The following SOX6 variants were observed in gnomAD, a reference collection of about 807,000 sequenced individuals.
The protein encoded by SOX6 is SRY-box transcription factor 6.
Under a neutral mutation model 97.8 loss-of-function variants are expected in SOX6, and 11 were observed. The ratio of observed to expected loss-of-function variants is 0.11; its 90% CI spans 0.07 to 0.19. The LOEUF is 0.19. Ranked by LOEUF, SOX6 falls within the 10% of genes least tolerant of loss-of-function variation. The pLI is 1.00. For synonymous variants in SOX6, 360 were observed against 371.4 expected (o/e 0.97, Z 0.35); for missense variants, 810 against 1,039.5 (o/e 0.78, Z 3.04).
chr11:16,401,278 C>T lies in SOX6; in HGVS notation c.-4-60026G>A, dbSNP rs139159502. ...ATTCTGGATCCTATGCTAGTACCTT[C>T]CCAGTTCTGCTGGAGTTTGTTGTTG... is the stretch of plus-strand genomic sequence containing the variant. On this transcript the variant is annotated intron_variant, in intron 1 of 15. Transcript: ENST00000396356. 9.0e-4 allele frequency among the ~76,000 whole-genome samples: 137 copies of T among 151,546 alleles called. 3 individuals carry two copies. The East Asian group carries it at 0.024, about 27-fold the overall frequency.
intron 6 of SOX6, among the ~76,000 whole-genome samples, chr11:16,148,150 T>C (rs1850361896): frequency 6.6e-6 from 1 of 152,212 alleles, no homozygotes; most frequent in South Asian, 2.1e-4. Flanking sequence ...TTGTAGATTC[T>C]TAACATTTAA....
At chr11:16,545,700 G>A (rs142532177) in intron 4 of SOX6, among the ~76,000 whole-genome samples, 37 of 152,204 alleles carry the variant, frequency 2.4e-4, no homozygotes, top group African/African-American at 8.4e-4. Flanking sequence ...ACCTGTAATC[G>A]TAGCTCCTTG....
chr11:16,378,930 T>C (rs1269637057), intron 1 of SOX6, among the ~76,000 whole-genome samples: 2 of 152,080 alleles, frequency 1.3e-5, no homozygotes, highest in African/African-American at 4.8e-5. Flanking sequence ...TGATAGGCTA[T>C]TCTAAATATT....
chr11:16,413,227 A>T (rs1384769434), intron 1 of SOX6, among the ~76,000 whole-genome samples: 1 of 152,218 alleles, frequency 6.6e-6, no homozygotes, highest in African/African-American at 2.4e-5. Context: ...GCAATTCTTA[A>T]GACAAATGAG....
At chr11:16,498,567 T>C (rs545917194) in intron 4 of SOX6, among the ~76,000 whole-genome samples, 2 of 152,110 alleles carry the variant, frequency 1.3e-5, no homozygotes, top group East Asian at 3.9e-4. Context: ...GAAACCCATC[T>C]CACGTGCAGA....
intron 1 of SOX6, among the ~76,000 whole-genome samples, chr11:16,388,602 G>GT (rs1421734304): frequency 6.6e-6 from 1 of 151,856 alleles, no homozygotes; most frequent in East Asian, 1.9e-4. Flanking sequence ...GTTTTAGTAA[G>GT]TTTTTTTCTA....
chr11:16,507,103 T>C (rs1470752899), intron 4 of SOX6, among the ~76,000 whole-genome samples: 1 of 151,944 alleles, frequency 6.6e-6, no homozygotes, highest in Admixed American at 6.6e-5. Context: ...AATAAAAGTG[T>C]GTAGCACCTC....
intron 9 of SOX6, among the ~76,000 whole-genome samples, chr11:16,088,906 A>G (rs1235285295): frequency 6.6e-6 from 1 of 152,158 alleles, no homozygotes; most frequent in African/African-American, 2.4e-5. Flanking sequence ...TTTCATACAT[A>G]TCTGTCACTT....
At chr11:16,676,160 T>C (rs1222618654) in intron 3 of SOX6, among the ~76,000 whole-genome samples, 6 of 152,142 alleles carry the variant, frequency 3.9e-5, no homozygotes, top group Admixed American at 2.0e-4. Context: ...ATGAATTCTT[T>C]CTTTTGCCTG....
At chr11:16,091,293 T>C (rs1203349000) in intron 9 of SOX6, among the ~76,000 whole-genome samples, 2 of 152,048 alleles carry the variant, frequency 1.3e-5, no homozygotes, top group East Asian at 3.9e-4. Context: ...TTCCTCTTTC[T>C]CCATTGGGTA....
intron 3 of SOX6, among the ~76,000 whole-genome samples, chr11:16,706,449 C>CCAAAAAA (rs1848132938): frequency 8.2e-4 from 2 of 2,450 alleles, no homozygotes; most frequent in African/African-American, 3.2e-3. Context: ...GAACCTATCA[C>CCAAAAAA]AAAAAAAAAA....
At chr11:16,260,199 A>C (rs2134212568) in intron 3 of SOX6, among the ~76,000 whole-genome samples, 1 of 151,870 alleles carries the variant, frequency 6.6e-6, no homozygotes, top group South Asian at 2.1e-4. Context: ...ACGGGGTTTC[A>C]CCATGTTAGC....
intron 4 of SOX6, among the ~76,000 whole-genome samples, chr11:16,505,895 A>C (rs1010614004): frequency 6.6e-6 from 1 of 152,228 alleles, no homozygotes; most frequent in Non-Finnish European, 1.5e-5. Context: ...GCAAGAGTTG[A>C]GGCTTGGGAG....
chr11:16,107,386 CATATATATGT>C (rs200870911), intron 7 of SOX6, among the ~76,000 whole-genome samples: 188 of 143,170 alleles, frequency 1.3e-3, no homozygotes, highest in Admixed American at 2.1e-3. Flanking sequence ...GATCTGTATA[CATATATATGT>C]ATATATATGT....
chr11:16,432,395 T>G (rs1859288191), intron 1 of SOX6, among the ~76,000 whole-genome samples: 1 of 152,122 alleles, frequency 6.6e-6, no homozygotes, highest in Non-Finnish European at 1.5e-5. Flanking sequence ...TCAAAAGCAA[T>G]TTATGAATGA....
chr11:16,416,848 AAAT>A (rs1858936960), intron 1 of SOX6, among the ~76,000 whole-genome samples: 1 of 152,222 alleles, frequency 6.6e-6, no homozygotes, highest in Admixed American at 6.5e-5. Flanking sequence ...AGCCACTACC[AAAT>A]ACTTTAAATG....
intron 4 of SOX6, among the ~76,000 whole-genome samples, chr11:16,543,988 GAATA>G (rs1847584520): frequency 1.3e-5 from 2 of 152,212 alleles, no homozygotes; most frequent in South Asian, 4.2e-4. Flanking sequence ...GTTGACAGGT[GAATA>G]GATAAGCAAA....
At chr11:16,019,541 T>C (rs951404236) in intron 12 of SOX6, among the ~76,000 whole-genome samples, 2 of 152,100 alleles carry the variant, frequency 1.3e-5, no homozygotes, top group African/African-American at 2.4e-5. Context: ...CTCTCTTAAA[T>C]AAACCTAAAT....
chr11:16,306,916 G>A (rs927363340), intron 3 of SOX6, among the ~76,000 whole-genome samples: 1 of 152,094 alleles, frequency 6.6e-6, no homozygotes, highest in South Asian at 2.1e-4. Flanking sequence ...GAGCCACTAC[G>A]CTCAGCCTAC....
Sources: allele counts gnomAD v4.1 joint callset (sites outside exome capture counted in the v4.1 genomes callset), GRCh38; gene constraint gnomAD v4.1.1; transcripts MANE v1.5; gene names NCBI Gene and HGNC (gene_info 2026-07-23, HGNC 2026-07-21).